Variants in BICDL1 observed in about 807,000 individuals in gnomAD.
BICDL1 encodes the protein BICD family like cargo adaptor 1.
Under a neutral mutation model 76.8 loss-of-function variants are expected in BICDL1, and 20 were observed. The ratio of observed to expected loss-of-function variants is 0.26; its 90% CI spans 0.18 to 0.38. The LOEUF is 0.38. Ranked by LOEUF, BICDL1 falls within the 10% of genes least tolerant of loss-of-function variation. The probability of loss-of-function intolerance (pLI) is 1.00; values close to 1 mark genes in which losing one functional copy is unlikely to be tolerated. For synonymous variants in BICDL1, 383 were observed against 337.1 expected (o/e 1.14, Z -1.49); for missense variants, 700 against 798.6 (o/e 0.88, Z 1.49).
chr12:120,087,776 T>G (rs546118777), intron 8 of BICDL1, among the ~76,000 whole-genome samples: 35 of 152,322 alleles, frequency 2.3e-4, no homozygotes, highest in Middle Eastern at 3.4e-3. Context: ...AGCCGTGATT[T>G]AGGAATGTTG....
chr12:120,040,592 A>G (rs7397339), intron 2 of BICDL1, among the ~76,000 whole-genome samples: 20,130 of 151,130 alleles, frequency 0.13, 1,657 homozygotes, highest in East Asian at 0.4. Flanking sequence ...ATTTTTTTGT[A>G]TTTCTTGTAG....
At chr12:120,056,513 G>T (rs1006169922) in intron 2 of BICDL1, among the ~76,000 whole-genome samples, 3 of 152,212 alleles carry the variant, frequency 2.0e-5, no homozygotes, top group Non-Finnish European at 4.4e-5. Context: ...GAGGTCAGAA[G>T]TTCGAGACCA....
rs1875149268 is a variant in BICDL1, at chr12:120,093,322, T to TGGAGACCTAGAGGTGGGGGC, written c.*162_*181dup. On this transcript the variant is annotated 3_prime_UTR_variant, in exon 10 of 10. Transcript: ENST00000548673. The stretch of plus-strand genomic sequence containing the variant: ...GCCTGCTCCCTTTCGTCGGTGGGGA[T>TGGAGACCTAGAGGTGGGGGC]GGAGACCTAGAGGTGGGGGCCTGCC... 2 of 823,656 alleles carry TGGAGACCTAGAGGTGGGGGC rather than the reference T, an allele frequency of 2.4e-6. No homozygotes were observed. The highest frequency in any genetic ancestry group is 3.5e-5 in the South Asian group (2 of 56,376). The allele number at this position is 823,656 out of a possible 1,614,324, so 51.0% of individuals were successfully genotyped here.
intron 8 of BICDL1, among the ~76,000 whole-genome samples, chr12:120,087,632 C>A (rs1000169968): frequency 6.6e-6 from 1 of 152,126 alleles, no homozygotes; most frequent in African/African-American, 2.4e-5. Flanking sequence ...CTTAAGGGAG[C>A]GATTAATGAA....
At chr12:120,035,192 C>G (rs893337517) in intron 2 of BICDL1, among the ~76,000 whole-genome samples, 4 of 152,108 alleles carry the variant, frequency 2.6e-5, no homozygotes, top group Middle Eastern at 3.4e-3. Context: ...AAAAATTAGC[C>G]GGGTGTGGTG....
Position 119,989,844 on chromosome 12 carries a change from G to A in BICDL1, c.-25G>A. 3.1e-6 allele frequency: 4 copies of A among 1,297,360 alleles called. No individual in the cohort carries two copies. Among genetic ancestry groups the A allele is most frequent in the Non-Finnish European group, 3.9e-6 (4 of 1,029,112 alleles). 80.4% of individuals were successfully genotyped at this position (1,297,360 alleles called of 1,614,324 possible). ...TGGCGCGCGCGGGCCGGGCCGCACC[G>A]CTGCGGGCTCCGCGCGCGCGGGCCA... is the stretch of plus-strand genomic sequence containing the variant. On this transcript the variant is annotated 5_prime_UTR_variant, in exon 1 of 10. Transcript: ENST00000548673.
At chr12:120,042,813 A>AC (rs1952670653) in intron 2 of BICDL1, among the ~76,000 whole-genome samples, 1 of 152,010 alleles carries the variant, frequency 6.6e-6, no homozygotes, top group Admixed American at 6.6e-5. Flanking sequence ...TCAAAAAAAA[A>AC]AAAAAAGACG....
chr12:120,093,300 T>G lies in BICDL1; in HGVS notation c.*139T>G. The G allele has an allele frequency of 9.9e-7, 1 of 1,005,074 alleles. No homozygotes were observed. The allele number at this position is 1,005,074 out of a possible 1,614,324, so 62.3% of individuals were successfully genotyped here. ...AGGGCCCCATGGGTCCGGGAGGGCC[T>G]GCTCCCTTTCGTCGGTGGGGATGGA... On this transcript the variant is annotated 3_prime_UTR_variant, in exon 10 of 10. Transcript: ENST00000548673.
intron 2 of BICDL1, among the ~76,000 whole-genome samples, chr12:120,055,693 C>G (rs939357129): frequency 6.0e-4 from 92 of 152,088 alleles, no homozygotes; most frequent in African/African-American, 2.1e-3. Context: ...GTAAAAGAGA[C>G]TTAAGTTTTG....
At chr12:120,026,801 A>T (rs987610304) in intron 2 of BICDL1, among the ~76,000 whole-genome samples, 41 of 152,078 alleles carry the variant, frequency 2.7e-4, no homozygotes, top group African/African-American at 9.4e-4. Context: ...GCCTCTGTGG[A>T]TGTGTTCCAC....
intron 6 of BICDL1, among the ~76,000 whole-genome samples, chr12:120,073,946 G>A (rs1409753808): frequency 6.6e-6 from 1 of 152,138 alleles, no homozygotes; most frequent in African/African-American, 2.4e-5. Context: ...TTGAGACGGA[G>A]TCTCGCTCTG....
At chr12:120,015,427 G>C (rs1050067140) in intron 2 of BICDL1, among the ~76,000 whole-genome samples, 2 of 152,166 alleles carry the variant, frequency 1.3e-5, no homozygotes, top group African/African-American at 4.8e-5. Context: ...CTGAAGGCCA[G>C]GCTCAGTTGC....
intron 2 of BICDL1, among the ~76,000 whole-genome samples, chr12:120,025,329 C>A (rs1016580928): frequency 3.3e-5 from 5 of 152,118 alleles, no homozygotes; most frequent in African/African-American, 9.7e-5. Context: ...GGATTACAGG[C>A]GTGAACCACC....
At chr12:120,044,472 G>T (rs181996385) in intron 2 of BICDL1, among the ~76,000 whole-genome samples, 134 of 152,246 alleles carry the variant, frequency 8.8e-4, no homozygotes, top group African/African-American at 3.1e-3. Context: ...TTCCATCCCT[G>T]TTCTAAGTTA....
intron 2 of BICDL1, among the ~76,000 whole-genome samples, chr12:120,037,175 C>T (rs1018954494): frequency 6.6e-6 from 1 of 152,022 alleles, no homozygotes; most frequent in Non-Finnish European, 1.5e-5. Flanking sequence ...GCTCAGTAAT[C>T]GTATGTTGAA....
rs1315219358 is a variant in BICDL1, at chr12:120,071,647, A to T, written c.935A>T (p.Gln312Leu). Residue 312 changes from glutamine to leucine, a missense_variant, in exon 5 of 10, where the codon CAG (glutamine) becomes CTG (leucine). Physicochemically the swap from Gln to Leu is moderately radical, Grantham distance 113 (BLOSUM62 -2). This residue lies in a region of BICDL1 where 455 missense variants were observed against 548.7 expected (regional missense o/e 0.83). Transcript: ENST00000548673. This position sits in a 1 kb window ranked among gnomAD's most constrained non-coding sequence, Gnocchi z 4.8. ...LQLHQSQLELQEVRLSCRQLQ... is the reference protein window; with the variant it reads ...LQLHQSQLELLEVRLSCRQLQ... ...CTGCACCAAAGCCAGCTGGAGCTTC[A>T]GGAGGTGCGTCTCTCCTGCCGACAG... is the stretch of plus-strand genomic sequence containing the variant. The T allele has an allele frequency of 6.2e-7, 1 of 1,609,930 alleles. No homozygotes were observed. Among genetic ancestry groups the T allele is most frequent in the East Asian group, 2.2e-5 (1 of 44,658 alleles).
At position 120,064,841 on chromosome 12, in the gene BICDL1, C is replaced by G; in HGVS notation, c.871C>G (p.Leu291Val). 6.2e-7 allele frequency: 1 copy of G among 1,613,226 alleles called. No individual in the cohort carries two copies. The highest frequency in any genetic ancestry group is 8.5e-7 in the Non-Finnish European group (1 of 1,179,600). ...CGTGGAGGAGCTACAGGACCGGGTG[C>G]TAATCCTGGAGAGGCAGGGCCATGA... ...GTVEELQDRV[L>V]ILERQGHDKD... The change falls in exon 4 of 10, where the codon CTA (leucine) becomes GTA (valine). Residue 291 changes from leucine (L) to valine (V), a missense_variant. Leu to Val is a conservative substitution (Grantham distance 32). Transcript: ENST00000548673.
intron 1 of BICDL1, among the ~76,000 whole-genome samples, chr12:119,997,247 C>T (rs1426177908): frequency 6.6e-6 from 1 of 152,072 alleles, no homozygotes; most frequent in Non-Finnish European, 1.5e-5. Context: ...CGCCTGGCCA[C>T]AAAAAGATGT....
rs768928780 is a variant in BICDL1 at position 120,064,807 on chromosome 12, C to T, written c.837C>T (p.Leu279=). 3.7e-6 allele frequency: 6 copies of T among 1,613,710 alleles called. No homozygotes were observed. In the East Asian group the frequency reaches 8.9e-5, roughly 24 times the overall value. ...LSATLEENDL[L]QGTVEELQDR... is the part of the protein sequence containing the mutation. ...CTACTTTAGAGGAAAATGACCTGCT[C>T]CAAGGGACCGTGGAGGAGCTACAGG... The change falls in exon 4 of 10, where the codon CTC becomes CTT. Residue 279 remains leucine (L), a synonymous_variant. Coordinates refer to ENST00000548673, the MANE Select transcript of BICDL1 (RefSeq NM_001367886.1).
Sources: gnomAD v4.1 joint callset for allele counts (sites outside exome capture counted in the v4.1 genomes callset) on GRCh38, gnomAD v4.1.1 for gene constraint, gnomAD v4.1.1 regional missense constraint, Gnocchi (gnomAD v3.1) non-coding constraint, MANE v1.5 for transcripts, NCBI Gene and HGNC (gene_info 2026-07-23, HGNC 2026-07-21) for gene names.